The following RBM26 variants were observed in gnomAD, a reference collection of about 807,000 sequenced individuals.
The protein encoded by RBM26 is RNA binding motif protein 26, also known as RNA-binding protein 26.
RBM26 carries 30 observed loss-of-function variants against 123.6 expected under a neutral mutation model. The observed-to-expected ratio is 0.24, with a 90% CI of 0.18 to 0.33. The LOEUF is 0.33. RBM26 is among the 10% of genes least tolerant of loss of function. RBM26 has a pLI of 1.00. For missense variants in RBM26, 947 were observed against 1,203.6 expected (o/e 0.79, Z 3.15); for synonymous variants, 400 against 404.4 (o/e 0.99, Z 0.13).
At chr13:79,372,891 TA>T (rs1491465097) in intron 3 of RBM26, among the ~76,000 whole-genome samples, 4 of 91,924 alleles carry the variant, frequency 4.4e-5, no homozygotes, top group African/African-American at 1.9e-4. Context: ...ATATGCTATA[TA>T]AAATATATCT....
rs1393535846 is a variant in RBM26, at chr13:79,319,274, T to A, written c.*1347A>T. On this transcript the variant is annotated 3_prime_UTR_variant, in exon 22 of 22. Transcript: ENST00000438737. ...AAGTAATTTTTTAAATGTGATTTTT[T>A]AATATTATCACTATAATCTCAAGAG... The A allele has an allele frequency of 1.0e-6, 1 of 983,624 alleles. No individual in the cohort carries two copies. Among genetic ancestry groups the A allele is most frequent in the African/African-American group, 1.8e-5 (1 of 57,110 alleles). The allele number at this position is 983,624 out of a possible 1,614,324, so 60.9% of individuals were successfully genotyped here.
chr13:79,317,361 T>C (rs2067246878), downstream of RBM26, among the ~76,000 whole-genome samples: 2 of 151,684 alleles, frequency 1.3e-5, no homozygotes, highest in East Asian at 1.9e-4. Context: ...AACACTAATA[T>C]AGTACCAAGG....
intron 1 of RBM26, among the ~76,000 whole-genome samples, chr13:79,380,309 A>G (rs916919000): frequency 3.9e-5 from 6 of 152,260 alleles, no homozygotes; most frequent in South Asian, 4.1e-4. Flanking sequence ...AGAAATCTTC[A>G]TATCAATTCA....
intron 1 of RBM26, among the ~76,000 whole-genome samples, chr13:79,395,125 A>G (rs1252206093): frequency 2.6e-5 from 4 of 152,230 alleles, no homozygotes; most frequent in Non-Finnish European, 5.9e-5. Flanking sequence ...CAGTCTCTAC[A>G]GTCCTTTTAC....
intron 1 of RBM26, among the ~76,000 whole-genome samples, chr13:79,386,938 G>A (rs371984393): frequency 1.3e-5 from 2 of 152,170 alleles, no homozygotes; most frequent in African/African-American, 2.4e-5. Context: ...TGGCTGAGTC[G>A]ATTAAGCCTT....
chr13:79,395,978 C>G (rs1221279521), intron 1 of RBM26, among the ~76,000 whole-genome samples: 1 of 152,032 alleles, frequency 6.6e-6, no homozygotes, highest in East Asian at 1.9e-4. Flanking sequence ...ACCCAAAACA[C>G]AGATCCAAAT....
At chr13:79,392,076 AATAC>A (rs1326083250) in intron 1 of RBM26, among the ~76,000 whole-genome samples, 2 of 137,022 alleles carry the variant, frequency 1.5e-5, no homozygotes, top group Non-Finnish European at 3.1e-5. Context: ...ATTATACAAT[AATAC>A]ATAATTATAT....
chr13:79,347,876 T>G (rs2072597366), intron 14 of RBM26, among the ~76,000 whole-genome samples: 1 of 152,128 alleles, frequency 6.6e-6, no homozygotes, highest in Non-Finnish European at 1.5e-5. Context: ...CAGTCAATAT[T>G]TCACAATTGA....
chr13:79,324,731 C>T (rs1200111240), intron 20 of RBM26, among the ~76,000 whole-genome samples: 2 of 150,680 alleles, frequency 1.3e-5, no homozygotes, highest in Non-Finnish European at 3.0e-5. Context: ...TAGGATTTTA[C>T]TATTTAAAAA....
intron 20 of RBM26, among the ~76,000 whole-genome samples, chr13:79,324,894 T>G (rs2068141672): frequency 6.6e-6 from 1 of 152,078 alleles, no homozygotes. Flanking sequence ...ACTGAATAAC[T>G]TGTTTTATTC....
At chr13:79,329,354 T>C (rs376727214) in intron 20 of RBM26, among the ~76,000 whole-genome samples, 48 of 150,038 alleles carry the variant, frequency 3.2e-4, no homozygotes, top group Admixed American at 1.3e-3. Flanking sequence ...TATATGTATG[T>C]TTTTTTTTCA....
intron 1 of RBM26, among the ~76,000 whole-genome samples, chr13:79,392,510 T>G (rs2078181726): frequency 6.8e-6 from 1 of 146,688 alleles, no homozygotes; most frequent in Admixed American, 6.9e-5. Flanking sequence ...TCTAATATAT[T>G]AGTTATATAA....
At chr13:79,403,927 T>C (rs568192056) in intron 1 of RBM26, among the ~76,000 whole-genome samples, 2 of 152,346 alleles carry the variant, frequency 1.3e-5, no homozygotes, top group Admixed American at 6.5e-5. Context: ...TCCTCTCTTT[T>C]GCCATACACT....
chr13:79,347,682 A>G (rs2072562048), intron 14 of RBM26, among the ~76,000 whole-genome samples: 1 of 152,124 alleles, frequency 6.6e-6, no homozygotes, highest in South Asian at 2.1e-4. Context: ...AACTGTGTGA[A>G]TTATTTTGAA....
chr13:79,359,437 G>T, intron 10 of RBM26, 138 bp downstream of exon 10: 1 of 467,308 alleles, frequency 2.1e-6, no homozygotes. Context: ...CCAATTTTTA[G>T]AAAACTCACA....
chr13:79,342,891 C>G (rs1240954097), intron 16 of RBM26, 60 bp from the exon 17 acceptor site: 11 of 1,026,848 alleles, frequency 1.1e-5, no homozygotes, highest in Non-Finnish European at 1.6e-5. Flanking sequence ...ATTAACAAAA[C>G]AAACACTGCA....
At chr13:79,397,552 C>T (rs368791134) in intron 1 of RBM26, among the ~76,000 whole-genome samples, 2 of 150,956 alleles carry the variant, frequency 1.3e-5, no homozygotes, top group Non-Finnish European at 3.0e-5. Flanking sequence ...TGTGGTGGCA[C>T]GTGCCTGTAG....
intron 10 of RBM26, 44 bp downstream of exon 10, chr13:79,359,531 A>G (rs2074415931): frequency 1.1e-6 from 1 of 889,148 alleles, no homozygotes; most frequent in Non-Finnish European, 1.8e-6. Flanking sequence ...TGATCCTGAA[A>G]ATCAATGCAC....
At chr13:79,344,628 C>A (rs3752996) in intron 15 of RBM26, 41 bp downstream of exon 15, 2 of 1,570,344 alleles carry the variant, frequency 1.3e-6, no homozygotes, top group Non-Finnish European at 1.7e-6. Context: ...GAAAGCTTTC[C>A]TATATGCAAA....
Sources: gnomAD v4.1 joint callset for allele counts (sites outside exome capture counted in the v4.1 genomes callset) on GRCh38, gnomAD v4.1.1 for gene constraint, MANE v1.5 for transcripts, NCBI Gene and HGNC (gene_info 2026-07-23, HGNC 2026-07-21) for gene names.